Variants in LEF1 observed in about 807,000 individuals in gnomAD.
The protein encoded by LEF1 is lymphoid enhancer binding factor 1.
LEF1 carries 14 observed loss-of-function variants against 51.2 expected under a neutral mutation model. That is an observed-to-expected ratio of 0.27 (90% CI 0.18 to 0.43). The LOEUF (loss-of-function observed/expected upper bound fraction) is 0.43. Among genes scored for constraint, LEF1 ranks in the 20% least tolerant of loss-of-function variants. The pLI, the probability that LEF1 is intolerant of heterozygous loss-of-function variation, is 1.00. For synonymous variants in LEF1, 185 were observed against 183.2 expected, an observed-to-expected ratio of 1.01 and a Z score of -0.08; for missense variants, 386 against 512.0, an observed-to-expected ratio of 0.75 and a Z score of 2.37.
At chr4:108,062,587 T>C (rs1737768844) in intron 11 of LEF1, among the ~76,000 whole-genome samples, 3 of 152,308 alleles carry the variant, frequency 2.0e-5, no homozygotes, top group Middle Eastern at 3.4e-3. Context: ...CGGGAAGTAC[T>C]GGCTAAGTTT....
intron 9 of LEF1, among the ~76,000 whole-genome samples, chr4:108,065,981 C>T (rs1382391849): frequency 6.6e-6 from 1 of 152,150 alleles, no homozygotes; most frequent in Non-Finnish European, 1.5e-5. Context: ...TGGCTTACTG[C>T]AACCTCCACC....
At chr4:108,140,166 G>A (rs189675060) in intron 3 of LEF1, among the ~76,000 whole-genome samples, 35 of 152,292 alleles carry the variant, frequency 2.3e-4, no homozygotes, top group Admixed American at 1.3e-3. Flanking sequence ...TATACCTTGA[G>A]TGAAATGCAG....
chr4:108,167,217 G>C lies in LEF1; in HGVS notation c.213+338C>G, dbSNP rs922414634. Among the ~76,000 whole-genome samples, 1 of 152,082 alleles carries C rather than the reference G, an allele frequency of 6.6e-6. No homozygotes were observed. Among genetic ancestry groups the C allele is most frequent in the Non-Finnish European group, 1.5e-5 (1 of 68,006 alleles). On this transcript the variant is annotated intron_variant, in intron 1 of 11. Transcript: ENST00000265165. This position sits in a 1 kb window ranked among gnomAD's most constrained non-coding sequence, Gnocchi z 5.7. Reference sequence around the variant, plus strand: ...TTCAGCCCTACTCGCTTTAAAGCACGGCACCCCTCAGCCCAACAAAAAGAC... The same window carrying C: ...TTCAGCCCTACTCGCTTTAAAGCACCGCACCCCTCAGCCCAACAAAAAGAC...
At position 108,162,762 on chromosome 4, in the gene LEF1, C is replaced by T. The variant is rs149398944; in HGVS notation, c.414+806G>A. Among the ~76,000 whole-genome samples the T allele has an allele frequency of 8.5e-5, 13 of 152,172 alleles. No individual in the cohort carries two copies. In the East Asian group the frequency reaches 9.6e-4, roughly 11 times the overall value. On this transcript the variant is annotated intron_variant, in intron 3 of 11. Coordinates refer to ENST00000265165, the MANE Select transcript of LEF1 (RefSeq NM_016269.5). ...GGGTCAGTAAAAAGTCCGTCACCAA[C>T]GCTGGTGGGCTAATTCTAAGAGAGA...
rs563448954 is a variant in LEF1 at position 108,134,211 on chromosome 4, T to G, written c.414+29357A>C. On this transcript the variant is annotated intron_variant, in intron 3 of 11. Transcript: ENST00000265165. ...TTTCACATATCTTTCAATTCCAAAT[T>G]TACAAATAAAGAACTGTGGACATAT... 4.1e-4 allele frequency among the ~76,000 whole-genome samples: 62 copies of G among 152,172 alleles called. 1 individual carries two copies. Among genetic ancestry groups the G allele is most frequent in the Non-Finnish European group, 7.6e-4 (52 of 67,998 alleles).
chr4:108,138,158 C>T (rs1219067961), intron 3 of LEF1, among the ~76,000 whole-genome samples: 1 of 152,028 alleles, frequency 6.6e-6, no homozygotes, highest in Non-Finnish European at 1.5e-5. Context: ...GGCCTCTACT[C>T]GGGGAGCTGG....
At chr4:108,050,811 C>G (rs556319179) in intron 11 of LEF1, among the ~76,000 whole-genome samples, 14 of 152,238 alleles carry the variant, frequency 9.2e-5, no homozygotes, top group African/African-American at 3.4e-4. Context: ...GTTGGGCCAT[C>G]CCACCACTGC....
At chr4:108,142,934 T>C (rs948480802) in intron 3 of LEF1, among the ~76,000 whole-genome samples, 8 of 152,244 alleles carry the variant, frequency 5.3e-5, no homozygotes, top group African/African-American at 1.9e-4. Context: ...TTTATGTAGA[T>C]AGTAGTCAAT....
At chr4:108,092,190 A>C (rs1301225420) in intron 3 of LEF1, among the ~76,000 whole-genome samples, 1 of 152,198 alleles carries the variant, frequency 6.6e-6, no homozygotes, top group African/African-American at 2.4e-5. Context: ...TCCTGTGGGA[A>C]AGAGATAAGA....
In LEF1 at chr4:108,119,392, C is replaced by A. The variant is rs150143367; in HGVS notation, c.415-30135G>T. 3.2e-3 allele frequency among the ~76,000 whole-genome samples: 488 copies of A among 151,986 alleles called. 11 individuals carry two copies. The highest frequency in any genetic ancestry group is 0.028 in the Admixed American group (429 of 15,254). On this transcript the variant is annotated intron_variant, in intron 3 of 11. Transcript: ENST00000265165. ...CCCTAGGGATATGACTAATTCTCAT[C>A]ATAAATTTTCATTCAAGAAATTTCT...
chr4:108,054,271 C>T (rs146949773), intron 11 of LEF1, among the ~76,000 whole-genome samples: 121 of 152,246 alleles, frequency 7.9e-4, no homozygotes, highest in African/African-American at 2.7e-3. Flanking sequence ...AGGTGCGCTG[C>T]GGGATGTGGG....
chr4:108,081,293 G>A (rs188735635), intron 6 of LEF1, among the ~76,000 whole-genome samples: 1 of 152,142 alleles, frequency 6.6e-6, no homozygotes, highest in East Asian at 1.9e-4. Context: ...TCCGCTTTCC[G>A]GACAGTTCCC....
At chr4:108,110,138 T>C (rs762146883) in intron 3 of LEF1, among the ~76,000 whole-genome samples, 7 of 152,234 alleles carry the variant, frequency 4.6e-5, no homozygotes, top group Non-Finnish European at 7.3e-5. Context: ...GGTGGCATTG[T>C]TGGCAAACAG....
chr4:108,099,570 GTATATATATATATATATATATATATA>G lies in LEF1; in HGVS notation c.415-10339_415-10314del, dbSNP rs551521155. ...TGTGTGTGTGTATGTGTGTGTGTGT[GTATATATATATATATATATATATATA>G]TATATATATATATATATATATAAAT... On this transcript the variant is annotated intron_variant, in intron 3 of 11. Transcript: ENST00000265165. Among the ~76,000 whole-genome samples the G allele has an allele frequency of 2.1e-3, 146 of 70,208 alleles. 9 individuals carry two copies. Among genetic ancestry groups the G allele is most frequent in the Non-Finnish European group, 3.4e-3 (118 of 34,282 alleles). 46.1% of individuals were successfully genotyped at this position (70,208 alleles called of 152,430 possible).
intron 3 of LEF1, among the ~76,000 whole-genome samples, chr4:108,146,405 T>C (rs757216703): frequency 1.3e-4 from 20 of 152,226 alleles, no homozygotes; most frequent in Non-Finnish European, 1.9e-4. Context: ...ATAATAGGTA[T>C]GCACTTGTGG....
intron 9 of LEF1, among the ~76,000 whole-genome samples, chr4:108,064,777 G>A (rs6830277): frequency 6.6e-6 from 1 of 151,790 alleles, no homozygotes; most frequent in Non-Finnish European, 1.5e-5. Context: ...ATGTCCTAGA[G>A]CTGTGGCCAT....
chr4:108,111,708 T>C lies in LEF1; in HGVS notation c.415-22451A>G, dbSNP rs919373348. On this transcript the variant is annotated intron_variant, in intron 3 of 11. Transcript: ENST00000265165. ...AGGTGAATTGCTTGAGCTCAGGAGT[T>C]CGAAACCAGCCTGGGCAACATGGCG... Among the ~76,000 whole-genome samples, 6 of 152,210 alleles carry C rather than the reference T, an allele frequency of 3.9e-5. No individual in the cohort carries two copies. The South Asian group carries it at 1.0e-3, about 26-fold the overall frequency.
chr4:108,149,193 C>T (rs1302926092), intron 3 of LEF1, among the ~76,000 whole-genome samples: 2 of 152,108 alleles, frequency 1.3e-5, no homozygotes, highest in Non-Finnish European at 2.9e-5. Context: ...GGCGCGGTGG[C>T]TCACGCCTGT....
chr4:108,112,233 T>G (rs550206311), intron 3 of LEF1, among the ~76,000 whole-genome samples: 2 of 152,172 alleles, frequency 1.3e-5, no homozygotes, highest in Admixed American at 1.3e-4. Context: ...GGTTTTCGTG[T>G]GGTCAGATGA....
Sources: gnomAD v4.1 joint callset for allele counts (sites outside exome capture counted in the v4.1 genomes callset) on GRCh38, gnomAD v4.1.1 for gene constraint, Gnocchi (gnomAD v3.1) non-coding constraint, MANE v1.5 for transcripts, NCBI Gene and HGNC (gene_info 2026-07-23, HGNC 2026-07-21) for gene names.